Variants in PARD6G observed in about 807,000 individuals in gnomAD.
PARD6G encodes partitioning defective 6 homolog gamma.
In PARD6G, 7 loss-of-function variants were observed where a neutral mutation model predicts 10.7. The ratio of observed to expected loss-of-function variants is 0.66; its 90% CI spans 0.37 to 1.23. PARD6G has a LOEUF of 1.23. PARD6G is among the 50% of genes most tolerant of loss of function. The pLI, the probability that PARD6G is intolerant of heterozygous loss-of-function variation, is 0.02. For missense variants in PARD6G, 548 were observed against 571.8 expected, an observed-to-expected ratio of 0.96 and a Z score of 0.42; for synonymous variants, 287 against 269.4, an observed-to-expected ratio of 1.07 and a Z score of -0.64.
At chr18:80,229,019 A>T (rs1358723187) in intron 1 of PARD6G, among the ~76,000 whole-genome samples, 1 of 151,840 alleles carries the variant, frequency 6.6e-6, no homozygotes, top group Non-Finnish European at 1.5e-5. Context: ...GCTCACCATA[A>T]CCTCCACCTC....
Position 80,159,926 on chromosome 18 carries a change from C to T in PARD6G, c.976G>A (p.Val326Ile). ...PGAPAGSLSR[V>I]NGAGLAQRLQ... ...CGCTGCGCCAGGCCCGCGCCATTGA[C>T]CCGGGAGAGGCTGCCTGCGGGCGCG... Residue 326 changes from valine (V) to isoleucine (I), a missense_variant, in exon 3 of 3, where the codon GTC becomes ATC. Physicochemically the swap from Val to Ile is conservative, Grantham distance 29. Around this residue, in one of 2 missense-constraint regions of PARD6G, gnomAD observed 313 missense variants for 279.9 expected, o/e 1.12. Transcript: ENST00000353265. 6.6e-7 allele frequency: 1 copy of T among 1,509,424 alleles called. No homozygotes were observed. The highest frequency in any genetic ancestry group is 8.8e-7 in the Non-Finnish European group (1 of 1,136,944). The allele number at this position is 1,509,424 out of a possible 1,614,324, so 93.5% of individuals were successfully genotyped here.
intron 1 of PARD6G, among the ~76,000 whole-genome samples, chr18:80,218,485 C>A (rs952280947): frequency 6.6e-6 from 1 of 152,212 alleles, no homozygotes. Flanking sequence ...CACACTGATG[C>A]AAGAGGTAGG....
rs1291733254 is a variant in PARD6G, at chr18:80,159,977, G to C, written c.925C>G (p.Pro309Ala). The C allele has an allele frequency of 1.3e-6, 2 of 1,501,328 alleles. No homozygotes were observed. The highest frequency in any genetic ancestry group is 1.8e-6 in the Non-Finnish European group (2 of 1,133,818). The allele number at this position is 1,501,328 out of a possible 1,614,324, so 93.0% of individuals were successfully genotyped here. ...NDVVIEGTLE[P>A]ARPPQTPGAP... The stretch of plus-strand genomic sequence containing the variant: ...CCCGGGGTCTGGGGGGGACGTGCAG[G>C]CTCCAGTGTGCCCTCGATGACGACG... Residue 309 changes from proline to alanine, a missense_variant, in exon 3 of 3, where the codon CCT becomes GCT. Pro to Ala is a conservative substitution (Grantham distance 27). Coordinates refer to ENST00000353265, the MANE Select transcript of PARD6G (RefSeq NM_032510.4).
chr18:80,194,236 G>A (rs777935200), intron 2 of PARD6G, among the ~76,000 whole-genome samples: 7 of 152,082 alleles, frequency 4.6e-5, no homozygotes, highest in Non-Finnish European at 1.0e-4. Flanking sequence ...ATCCATCCTC[G>A]GTGCTGAGCA....
intron 2 of PARD6G, among the ~76,000 whole-genome samples, chr18:80,177,565 G>A (rs2052821557): frequency 6.7e-6 from 1 of 148,624 alleles, no homozygotes; most frequent in South Asian, 2.1e-4. Flanking sequence ...ATAAATCACA[G>A]CCCAAATGGA....
intron 1 of PARD6G, among the ~76,000 whole-genome samples, chr18:80,221,650 G>T (rs1179443975): frequency 1.3e-5 from 2 of 151,998 alleles, no homozygotes; most frequent in South Asian, 4.2e-4. Context: ...AACAAAACAA[G>T]AATGTCTACT....
intron 1 of PARD6G, among the ~76,000 whole-genome samples, chr18:80,220,909 A>G (rs1017741127): frequency 3.3e-5 from 5 of 152,176 alleles, no homozygotes; most frequent in Admixed American, 6.5e-5. Context: ...TTTATTGTAA[A>G]AAGGGATCAT....
rs142508642 is a variant in PARD6G, at chr18:80,188,076, G to A, written c.295+14634C>T. The stretch of plus-strand genomic sequence containing the variant: ...GGTGCGCGACCGTGCCCAACGGGAG[G>A]TGTTACGTGGCGCGCGACCGTGCTC... On this transcript the variant is annotated intron_variant, in intron 2 of 2. Coordinates refer to ENST00000353265, the MANE Select transcript of PARD6G (RefSeq NM_032510.4). The surrounding 1 kb of genome is among the most constrained non-coding windows in gnomAD (Gnocchi z 5.4). 3.9e-5 allele frequency: 6 copies of A among 152,198 alleles called. No homozygotes were observed. The East Asian group carries it at 1.2e-3, about 29-fold the overall frequency. The allele number at this position is 152,198 out of a possible 1,614,324, so 9.4% of individuals were successfully genotyped here.
intron 2 of PARD6G, among the ~76,000 whole-genome samples, chr18:80,199,236 T>C (rs1389960774): frequency 6.6e-6 from 1 of 152,220 alleles, no homozygotes; most frequent in Admixed American, 6.5e-5. Flanking sequence ...AGTCCTTGAA[T>C]AATGAGAATC....
intron 1 of PARD6G, among the ~76,000 whole-genome samples, chr18:80,242,993 T>C (rs766494245): frequency 7.2e-5 from 11 of 152,268 alleles, no homozygotes; most frequent in Middle Eastern, 3.4e-3. Flanking sequence ...AGAAGAAAAG[T>C]AGAAATACGC....
At chr18:80,234,800 A>T (rs1316982088) in intron 1 of PARD6G, among the ~76,000 whole-genome samples, 1 of 152,190 alleles carries the variant, frequency 6.6e-6, no homozygotes, top group African/African-American at 2.4e-5. Flanking sequence ...TTCAACAAGA[A>T]GAGCTAACTA....
rs1266151938 is a variant in PARD6G, at chr18:80,181,280, C to T, written c.296-20674G>A. Among the ~76,000 whole-genome samples, 2 of 152,152 alleles carry T rather than the reference C, an allele frequency of 1.3e-5. No homozygotes were observed. Among genetic ancestry groups the T allele is most frequent in the Admixed American group, 1.3e-4 (2 of 15,290 alleles). On this transcript the variant is annotated intron_variant, in intron 2 of 2. Coordinates refer to ENST00000353265, the MANE Select transcript of PARD6G (RefSeq NM_032510.4). The surrounding 1 kb of genome is among the most constrained non-coding windows in gnomAD (Gnocchi z 7.9). Reference sequence around the variant, plus strand: ...GGGGGATAGGAGAGGTGGTGTCTGTCCCCTGGTCCCTCAGCCAAGTCAGCC... The same window carrying T: ...GGGGGATAGGAGAGGTGGTGTCTGTTCCCTGGTCCCTCAGCCAAGTCAGCC...
At chr18:80,245,445 G>A (rs1967533457) in intron 1 of PARD6G, among the ~76,000 whole-genome samples, 1 of 152,098 alleles carries the variant, frequency 6.6e-6, no homozygotes, top group Non-Finnish European at 1.5e-5. Context: ...TGATTGTGTT[G>A]GTGGTCACAC....
intron 2 of PARD6G, among the ~76,000 whole-genome samples, chr18:80,172,456 G>A (rs1252351425): frequency 1.3e-5 from 2 of 149,858 alleles, no homozygotes; most frequent in African/African-American, 2.5e-5. Flanking sequence ...TCAGCTCACT[G>A]CAACCTCTGC....
chr18:80,196,509 T>G (rs1966957264), intron 2 of PARD6G, among the ~76,000 whole-genome samples: 1 of 152,206 alleles, frequency 6.6e-6, no homozygotes, highest in South Asian at 2.1e-4. Flanking sequence ...GGGTTTAAAT[T>G]TAAGAAAAGT....
At chr18:80,196,154 T>C (rs1966954223) in intron 2 of PARD6G, among the ~76,000 whole-genome samples, 1 of 152,200 alleles carries the variant, frequency 6.6e-6, no homozygotes. Flanking sequence ...GTGTAACTGA[T>C]ATGTCCACCA....
rs950275817 is a variant in PARD6G, at chr18:80,158,207, T to C, written c.*1564A>G. 2 of 152,242 alleles carry C rather than the reference T, an allele frequency of 1.3e-5. No homozygotes were observed. Among genetic ancestry groups the C allele is most frequent in the South Asian group, 2.1e-4 (1 of 4,830 alleles). The allele number at this position is 152,242 out of a possible 1,614,324, so 9.4% of individuals were successfully genotyped here. A position where few individuals can be genotyped will look rare whatever the true frequency, so the allele number is the denominator to read the frequency against. On this transcript the variant is annotated 3_prime_UTR_variant, in exon 3 of 3. Coordinates refer to ENST00000353265, the MANE Select transcript of PARD6G (RefSeq NM_032510.4). ...TCACTAAGTTCCACGTGACTTCTTA[T>C]AGTTAAAAGTGAGAACTGCCAGTGA... is the stretch of plus-strand genomic sequence containing the variant.
At chr18:80,217,096 GC>G (rs570254755) in intron 1 of PARD6G, among the ~76,000 whole-genome samples, 326 of 152,168 alleles carry the variant, frequency 2.1e-3, no homozygotes, top group Middle Eastern at 6.8e-3. Context: ...GTAAAGAAGT[GC>G]CCCAAAACAA....
chr18:80,172,018 GT>G (rs1410814444), intron 2 of PARD6G, among the ~76,000 whole-genome samples: 1 of 152,232 alleles, frequency 6.6e-6, no homozygotes, highest in Non-Finnish European at 1.5e-5. Flanking sequence ...GCAGAACCAA[GT>G]TTTTGTGTGG....
Sources: allele counts gnomAD v4.1 joint callset (sites outside exome capture counted in the v4.1 genomes callset), GRCh38; gene constraint gnomAD v4.1.1; regional missense constraint gnomAD v4.1.1; non-coding constraint Gnocchi (gnomAD v3.1); transcripts MANE v1.5; gene names NCBI Gene and HGNC (gene_info 2026-07-23, HGNC 2026-07-21).